The following MTBP variants were observed in gnomAD, a reference collection of about 807,000 sequenced individuals.
MTBP encodes MDM2 binding protein.
MTBP carries 101 observed loss-of-function variants against 117.0 expected under a neutral mutation model. The ratio of observed to expected loss-of-function variants is 0.86; its 90% confidence interval spans 0.73 to 1.02. The LOEUF is 1.02. MTBP is among the 50% of genes least tolerant of loss of function. The probability of loss-of-function intolerance (pLI) is 0.00; values close to 1 mark genes in which losing one functional copy is unlikely to be tolerated. For synonymous variants in MTBP, 350 were observed against 351.5 expected, an observed-to-expected ratio of 1.00 and a Z score of 0.05; for missense variants, 970 against 1,030.9, an observed-to-expected ratio of 0.94 and a Z score of 0.81.
In MTBP at chr8:120,445,578, G is replaced by A. The variant is rs1563780182; in HGVS notation, c.108G>A (p.Glu36=). ...GPEVSSGEGT[E]NQPDFTAANV... is the part of the protein sequence containing the mutation. ...AGGTGTCGTCGGGTGAGGGTACTGA[G>A]AATCAGCCGGGTAAGCGCTGGGATG... The change falls in exon 1 of 22, where the codon GAG becomes GAA. Residue 36 remains glutamate (E), a synonymous_variant. Transcript: ENST00000305949. 2.5e-6 allele frequency: 4 copies of A among 1,607,076 alleles called. No homozygotes were observed. The highest frequency in any genetic ancestry group is 3.5e-5 in the Admixed American group (2 of 57,502).
At chr8:120,502,467 C>A in intron 14 of MTBP, 25 bp from the exon 15 acceptor site, 1 of 1,453,094 alleles carries the variant, frequency 6.9e-7, no homozygotes, top group Non-Finnish European at 9.5e-7. Flanking sequence ...ACTTTTCAGA[C>A]TTATGTGTAT....
At chr8:120,446,146 T>TC (rs1188367417) in intron 1 of MTBP, among the ~76,000 whole-genome samples, 1 of 152,248 alleles carries the variant, frequency 6.6e-6, no homozygotes, top group East Asian at 1.9e-4. Context: ...TAAATGTATG[T>TC]GGTTGTGTAT....
chr8:120,503,911 TGGTGTTCTTCTG>T (rs2130604258), intron 15 of MTBP, among the ~76,000 whole-genome samples: 1 of 152,022 alleles, frequency 6.6e-6, no homozygotes, highest in South Asian at 2.1e-4. Context: ...GTCGAGTGAG[TGGTGTTCTTCTG>T]GGGTAGATGG....
intron 10 of MTBP, among the ~76,000 whole-genome samples, chr8:120,466,627 C>T (rs1302420559): frequency 1.3e-5 from 2 of 151,208 alleles, no homozygotes; most frequent in Admixed American, 6.6e-5. Context: ...AATTCCAGCA[C>T]TTTGGGAGGC....
chr8:120,467,915 A>T (rs1475107084), intron 10 of MTBP, among the ~76,000 whole-genome samples: 1 of 152,220 alleles, frequency 6.6e-6, no homozygotes, highest in Non-Finnish European at 1.5e-5. Context: ...CACCACATTT[A>T]TATTAGGTTA....
At chr8:120,506,218 G>A (rs1439372959) in intron 15 of MTBP, among the ~76,000 whole-genome samples, 1 of 152,048 alleles carries the variant, frequency 6.6e-6, no homozygotes. Flanking sequence ...AGAGACTTTG[G>A]GGAGATTTCT....
chr8:120,512,359 C>T (rs1010820118), intron 17 of MTBP, among the ~76,000 whole-genome samples: 1 of 151,930 alleles, frequency 6.6e-6, no homozygotes, highest in African/African-American at 2.4e-5. Flanking sequence ...CTAAAGTGTC[C>T]ATCATATAAT....
chr8:120,511,891 T>G (rs1363097241), intron 17 of MTBP, among the ~76,000 whole-genome samples: 3 of 152,160 alleles, frequency 2.0e-5, no homozygotes, highest in Non-Finnish European at 4.4e-5. Context: ...ATGTCAATAT[T>G]TTTAACTGTC....
At chr8:120,450,854 A>C (rs1813323489) in intron 2 of MTBP, 149 bp from the exon 3 acceptor site, 2 of 495,456 alleles carry the variant, frequency 4.0e-6, no homozygotes, top group Non-Finnish European at 6.9e-6. Context: ...TTGAATTTTT[A>C]GTAGGGATTT....
chr8:120,457,536 T>C (rs759366268), intron 7 of MTBP, among the ~76,000 whole-genome samples: 1 of 152,126 alleles, frequency 6.6e-6, no homozygotes, highest in African/African-American at 2.4e-5. Flanking sequence ...TGTGGCTGGA[T>C]TTGTCTTGTT....
At chr8:120,512,081 T>C (rs1386595242) in intron 17 of MTBP, among the ~76,000 whole-genome samples, 2 of 152,178 alleles carry the variant, frequency 1.3e-5, no homozygotes, top group Non-Finnish European at 2.9e-5. Flanking sequence ...CCTGTTAATC[T>C]GTTAATCTGT....
chr8:120,513,105 G>C (rs1246075612), intron 17 of MTBP, among the ~76,000 whole-genome samples: 2 of 151,980 alleles, frequency 1.3e-5, no homozygotes, highest in African/African-American at 4.8e-5. Flanking sequence ...TGGAATTTAA[G>C]ATGCCATTAA....
At chr8:120,465,742 C>T (rs1215922697) in intron 10 of MTBP, among the ~76,000 whole-genome samples, 1 of 144,352 alleles carries the variant, frequency 6.9e-6, no homozygotes, top group South Asian at 2.3e-4. Context: ...TCACCGCAAC[C>T]TCTGCCTCCC....
chr8:120,484,443 C>T (rs1814166424), intron 11 of MTBP, among the ~76,000 whole-genome samples: 1 of 151,878 alleles, frequency 6.6e-6, no homozygotes, highest in Non-Finnish European at 1.5e-5. Flanking sequence ...TAAACTGTAG[C>T]TATTGTAATA....
At chr8:120,520,150 T>C (rs1168234705) in intron 20 of MTBP, among the ~76,000 whole-genome samples, 1 of 151,896 alleles carries the variant, frequency 6.6e-6, no homozygotes, top group Non-Finnish European at 1.5e-5. Context: ...CCAAAACATA[T>C]AGGAATAAAG....
intron 11 of MTBP, among the ~76,000 whole-genome samples, chr8:120,480,659 G>A (rs995953420): frequency 1.3e-5 from 2 of 152,094 alleles, no homozygotes; most frequent in African/African-American, 2.4e-5. Flanking sequence ...ACTGCTGGAA[G>A]AATTGGATAT....
At chr8:120,446,605 C>A in intron 2 of MTBP, 92 bp downstream of exon 2, 1 of 803,640 alleles carries the variant, frequency 1.2e-6, no homozygotes, top group South Asian at 1.5e-5. Flanking sequence ...CAAGGAAATA[C>A]TTCTTGACTG....
At chr8:120,473,873 A>G (rs1813876214) in intron 11 of MTBP, 1 of 152,078 alleles carries the variant, frequency 6.6e-6, no homozygotes, top group South Asian at 2.1e-4. Flanking sequence ...AATTGATTAG[A>G]CATATGTAGA....
chr8:120,506,686 G>A lies in MTBP; in HGVS notation c.1728-20G>A. 1 of 1,525,982 alleles carries A rather than the reference G, an allele frequency of 6.6e-7. No homozygotes were observed. Among genetic ancestry groups the A allele is most frequent in the Non-Finnish European group, 8.8e-7 (1 of 1,139,344 alleles). The allele number at this position is 1,525,982 out of a possible 1,614,324, so 94.5% of individuals were successfully genotyped here. ...GATTGAATCCACTTTTAATAAATCTGCATAACATTATTTTCCCAGAACTGG... is the reference window on the plus strand; with the variant it reads ...GATTGAATCCACTTTTAATAAATCTACATAACATTATTTTCCCAGAACTGG... On this transcript the variant is annotated intron_variant, in intron 15 of 21. Transcript: ENST00000305949.
Sources: gnomAD v4.1 joint callset for allele counts (sites outside exome capture counted in the v4.1 genomes callset) on GRCh38, gnomAD v4.1.1 for gene constraint, MANE v1.5 for transcripts, NCBI Gene and HGNC (gene_info 2026-07-23, HGNC 2026-07-21) for gene names.